Variants in LPAR5 observed in about 807,000 individuals in gnomAD.
LPAR5 encodes G protein-coupled receptor 92.
For synonymous variants in LPAR5, 271 were observed against 261.6 expected (o/e 1.04, Z -0.35); for missense variants, 544 against 521.8 (o/e 1.04, Z -0.41).
Position 6,621,306 on chromosome 12 carries a change from TG to T in LPAR5, c.-59del. 7.0e-7 allele frequency: 1 copy of T among 1,425,860 alleles called. No homozygotes were observed. The highest frequency in any genetic ancestry group is 9.2e-7 in the Non-Finnish European group (1 of 1,087,162). 88.3% of individuals were successfully genotyped at this position (1,425,860 alleles called of 1,614,324 possible). A position where few individuals can be genotyped will look rare whatever the true frequency, so the allele number is the denominator to read the frequency against. On this transcript the variant is annotated 5_prime_UTR_variant, in exon 2 of 2. The change creates a premature stop within an existing upstream ORF in the 5' untranslated region. Coordinates refer to ENST00000329858, the MANE Select transcript of LPAR5 (RefSeq NM_020400.6). ...GATGCCATGGAGCACACCAGAATCA[TG>T]GCATGGCATTCACCTCCGGGGCTGG...
intron 1 of LPAR5, among the ~76,000 whole-genome samples, chr12:6,626,477 G>C (rs1948940965): frequency 6.6e-6 from 1 of 152,116 alleles, no homozygotes; most frequent in African/African-American, 2.4e-5. Context: ...TTTGAGACTT[G>C]TAAGAGATAT....
chr12:6,633,619 G>A (rs967769282), intron 1 of LPAR5, among the ~76,000 whole-genome samples: 23 of 152,148 alleles, frequency 1.5e-4, no homozygotes, highest in African/African-American at 5.3e-4. Context: ...CACTGTGTTG[G>A]CCAGGCTGGT....
Position 6,628,928 on chromosome 12 carries a change from C to A in LPAR5, c.-217+6979G>T, listed in dbSNP as rs561904933. On this transcript the variant is annotated intron_variant, in intron 1 of 1. Transcript: ENST00000329858. ...GATTACAGGCGTGAACCACCATGCC[C>A]GGCCAATTTCTGTATTTTTAGTAGA... 6.6e-5 allele frequency among the ~76,000 whole-genome samples: 10 copies of A among 151,594 alleles called. No individual in the cohort carries two copies. The East Asian group carries it at 1.4e-3, about 21-fold the overall frequency.
intron 1 of LPAR5, among the ~76,000 whole-genome samples, chr12:6,623,863 C>G (rs76129131): frequency 0.031 from 4,761 of 151,170 alleles, 241 homozygotes; most frequent in African/African-American, 0.11. Flanking sequence ...TGGGAGGCTG[C>G]AGCAGGAGAG....
chr12:6,635,100 AGAAAG>A (rs1481715839), intron 1 of LPAR5, among the ~76,000 whole-genome samples: 5 of 148,970 alleles, frequency 3.4e-5, no homozygotes, highest in East Asian at 4.0e-4. Context: ...AAAAAAAAAA[AGAAAG>A]GAAGGAAGGA....
chr12:6,627,313 C>T (rs555729762), intron 1 of LPAR5, among the ~76,000 whole-genome samples: 3 of 151,508 alleles, frequency 2.0e-5, no homozygotes, highest in East Asian at 1.9e-4. Context: ...GTAAATAGAC[C>T]GGGAATGGTG....
rs1374398798 is a variant in LPAR5 at position 6,620,107 on chromosome 12, G to A, written c.*23C>T. The A allele has an allele frequency of 5.6e-6, 9 of 1,613,266 alleles. No individual in the cohort carries two copies. The highest frequency in any genetic ancestry group is 2.2e-5 in the East Asian group (1 of 44,864). On this transcript the variant is annotated 3_prime_UTR_variant, in exon 2 of 2. Coordinates refer to ENST00000329858, the MANE Select transcript of LPAR5 (RefSeq NM_020400.6). The surrounding 1 kb of genome is among the most constrained non-coding windows in gnomAD (Gnocchi z 6.8). Reference sequence around the variant, plus strand: ...ACGAGAGGCGTTGGGAGTCGGGCACGGACAGCGCAATGGCATGTGTGTTCA... The same window carrying A: ...ACGAGAGGCGTTGGGAGTCGGGCACAGACAGCGCAATGGCATGTGTGTTCA...
At chr12:6,628,971 A>G (rs1948964237) in intron 1 of LPAR5, among the ~76,000 whole-genome samples, 1 of 151,458 alleles carries the variant, frequency 6.6e-6, no homozygotes, top group South Asian at 2.1e-4. Context: ...GGGTTTCACT[A>G]TGTTGGCCAG....
chr12:6,630,703 C>T (rs751358772), intron 1 of LPAR5, among the ~76,000 whole-genome samples: 7 of 151,880 alleles, frequency 4.6e-5, no homozygotes, highest in Non-Finnish European at 1.0e-4. Flanking sequence ...CCACCCGGCT[C>T]GGCCTCCCAA....
At position 6,619,902 on chromosome 12, in the gene LPAR5, G is replaced by A. The variant is rs575452132; in HGVS notation, c.*228C>T. ...TGGGCTCTCTGCATCACTTCCCACC[G>A]CTGGAGAAGGGGTGCTCTGCGTGCT... is the stretch of plus-strand genomic sequence containing the variant. On this transcript the variant is annotated 3_prime_UTR_variant, in exon 2 of 2. Transcript: ENST00000329858. 1.4e-4 allele frequency: 101 copies of A among 712,638 alleles called. No individual in the cohort carries two copies. Among genetic ancestry groups the A allele is most frequent in the Non-Finnish European group, 2.2e-4 (88 of 396,854 alleles). The allele number at this position is 712,638 out of a possible 1,614,324, so 44.1% of individuals were successfully genotyped here. A position where few individuals can be genotyped will look rare whatever the true frequency, so the allele number is the denominator to read the frequency against.
At chr12:6,623,995 A>G (rs990291804) in intron 1 of LPAR5, among the ~76,000 whole-genome samples, 5 of 152,188 alleles carry the variant, frequency 3.3e-5, no homozygotes, top group African/African-American at 1.2e-4. Context: ...TCCCAAATAC[A>G]GAACAACATC....
chr12:6,624,035 G>A (rs533844597), intron 1 of LPAR5, among the ~76,000 whole-genome samples: 4 of 152,266 alleles, frequency 2.6e-5, no homozygotes, highest in East Asian at 3.9e-4. Flanking sequence ...GCATCACTGC[G>A]CCTGTGAGGG....
At chr12:6,634,185 C>T (rs903105157) in intron 1 of LPAR5, among the ~76,000 whole-genome samples, 6 of 151,974 alleles carry the variant, frequency 3.9e-5, no homozygotes, top group African/African-American at 9.7e-5. Context: ...TTTGTCTTTT[C>T]AGTAGAGACG....
At chr12:6,627,840 C>T (rs1224096026) in intron 1 of LPAR5, among the ~76,000 whole-genome samples, 1 of 151,578 alleles carries the variant, frequency 6.6e-6, no homozygotes, top group African/African-American at 2.4e-5. Flanking sequence ...ATCCCGCCCC[C>T]AACTACCCCC....
Position 6,619,899 on chromosome 12 carries a change from A to G in LPAR5, c.*231T>C. On this transcript the variant is annotated 3_prime_UTR_variant, in exon 2 of 2. Coordinates refer to ENST00000329858, the MANE Select transcript of LPAR5 (RefSeq NM_020400.6). ...GGGTGGGCTCTCTGCATCACTTCCC[A>G]CCGCTGGAGAAGGGGTGCTCTGCGT... 1 of 709,358 alleles carries G rather than the reference A, an allele frequency of 1.4e-6. No homozygotes were observed. The highest frequency in any genetic ancestry group is 2.0e-5 in the Admixed American group (1 of 49,690). The allele number at this position is 709,358 out of a possible 1,614,324, so 43.9% of individuals were successfully genotyped here.
intron 1 of LPAR5, among the ~76,000 whole-genome samples, chr12:6,631,979 CTTTTGTTTTT>C (rs1948983218): frequency 6.6e-6 from 1 of 150,816 alleles, no homozygotes; most frequent in Non-Finnish European, 1.5e-5. Context: ...GTTTTTTTTT[CTTTTGTTTTT>C]GAGACGGAGT....
chr12:6,622,000 C>T (rs546025500), intron 1 of LPAR5, among the ~76,000 whole-genome samples: 2 of 151,622 alleles, frequency 1.3e-5, no homozygotes, highest in African/African-American at 2.4e-5. Flanking sequence ...TGGTGGTGCA[C>T]ACCTGTAATC....
At position 6,620,565 on chromosome 12, in the gene LPAR5, C is replaced by T; in HGVS notation, c.684G>A (p.Arg228=). 1 of 1,555,340 alleles carries T rather than the reference C, an allele frequency of 6.4e-7. No homozygotes were observed. The highest frequency in any genetic ancestry group is 8.7e-7 in the Non-Finnish European group (1 of 1,149,882). ...LARPDATQSQ[R]RRKTVRLLLA... The stretch of plus-strand genomic sequence containing the variant: ...GCAGGAGGCGCACGGTCTTCCGCCG[C>T]CGCTGGCTCTGCGTGGCGTCGGGGC... The change falls in exon 2 of 2, where the codon CGG becomes CGA. Residue 228 remains arginine (R), a synonymous_variant. Transcript: ENST00000329858. The surrounding 1 kb of genome is among the most constrained non-coding windows in gnomAD (Gnocchi z 6.8).
In LPAR5 at chr12:6,621,060, G is replaced by T. The variant is rs1010538853; in HGVS notation, c.189C>A (p.Asn63Lys). 1 of 1,605,770 alleles carries T rather than the reference G, an allele frequency of 6.2e-7. No individual in the cohort carries two copies. The highest frequency in any genetic ancestry group is 8.5e-7 in the Non-Finnish European group (1 of 1,175,062). Residue 63 changes from asparagine (N) to lysine (K), a missense_variant, in exon 2 of 2, where the codon AAC (asparagine) becomes AAA (lysine). Physicochemically the swap from Asn to Lys is moderately conservative, Grantham distance 94 (BLOSUM62 0). Coordinates refer to ENST00000329858, the MANE Select transcript of LPAR5 (RefSeq NM_020400.6). Reference sequence around the variant, plus strand: ...TGAAGAGCAGGTCGCTGGCCGCCAGGTTACACATGTACACGCTCACCACCG... The same window carrying T: ...TGAAGAGCAGGTCGCTGGCCGCCAGTTTACACATGTACACGCTCACCACCG... ...VHSVVSVYMCNLAASDLLFTL... is the reference protein window; with the variant it reads ...VHSVVSVYMCKLAASDLLFTL...
Sources: gnomAD v4.1 joint callset for allele counts (sites outside exome capture counted in the v4.1 genomes callset) on GRCh38, gnomAD v4.1.1 for gene constraint, Gnocchi (gnomAD v3.1) non-coding constraint, MANE v1.5 for transcripts, NCBI Gene and HGNC (gene_info 2026-07-23, HGNC 2026-07-21) for gene names.